Variants in DYNLL1 observed in about 807,000 individuals in gnomAD.
DYNLL1 encodes the protein dynein light chain LC8-type 1, also known as dynein light chain 1, cytoplasmic.
Under a neutral mutation model 10.1 loss-of-function variants are expected in DYNLL1, and 3 were observed. That is an observed-to-expected ratio of 0.30 (90% CI 0.14 to 0.77). The LOEUF (loss-of-function observed/expected upper bound fraction) is 0.77, where lower values mean the gene tolerates loss of function less well. DYNLL1 is among the 30% of genes least tolerant of loss of function. The pLI is 0.66. For missense variants in DYNLL1, 47 were observed against 111.7 expected (o/e 0.42, Z 2.61); for synonymous variants, 46 against 41.2 (o/e 1.12, Z -0.45).
intron 1 of DYNLL1, among the ~76,000 whole-genome samples, chr12:120,487,682 G>A (rs1476061437): frequency 6.6e-6 from 1 of 152,106 alleles, no homozygotes; most frequent in Non-Finnish European, 1.5e-5. Context: ...TGAAAGCAGG[G>A]ATATAGAGGC....
At chr12:120,480,162 T>G (rs932388742) in intron 1 of DYNLL1, among the ~76,000 whole-genome samples, 1 of 151,996 alleles carries the variant, frequency 6.6e-6, no homozygotes, top group African/African-American at 2.4e-5. Flanking sequence ...GGAGCGGAAT[T>G]CAAAATGTGA....
intron 1 of DYNLL1, among the ~76,000 whole-genome samples, chr12:120,487,272 CTTTTTTTTTTTTTTTTTTTTT>C (rs71076619): frequency 5.8e-4 from 29 of 50,378 alleles, no homozygotes; most frequent in Admixed American, 2.6e-3. Context: ...CGTGCCCGGC[CTTTTTTTTTTTTTTTTTTTTT>C]TTTTTTTTTT....
intron 1 of DYNLL1, among the ~76,000 whole-genome samples, chr12:120,474,577 A>C (rs1463692430): frequency 6.6e-6 from 1 of 152,218 alleles, no homozygotes; most frequent in Non-Finnish European, 1.5e-5. Context: ...AACCTATTGA[A>C]ATAAAAATTT....
upstream of DYNLL1, chr12:120,495,983 G>T (rs1735883193): frequency 1.6e-5 from 4 of 251,136 alleles, no homozygotes; most frequent in African/African-American, 2.3e-5. Context: ...GGGAACCATG[G>T]AGTCAATGGA....
chr12:120,471,450 T>C (rs945903326), intron 1 of DYNLL1, among the ~76,000 whole-genome samples: 54 of 152,312 alleles, frequency 3.5e-4, no homozygotes, highest in African/African-American at 1.2e-3. Context: ...AGTTGATTTC[T>C]CATTATACCA....
intron 1 of DYNLL1, among the ~76,000 whole-genome samples, chr12:120,483,888 G>A (rs1438435396): frequency 1.3e-5 from 2 of 152,078 alleles, no homozygotes; most frequent in East Asian, 3.9e-4. Flanking sequence ...GAGAGTGTGT[G>A]GTCCTGGAAG....
chr12:120,474,423 C>T (rs1051049326), intron 1 of DYNLL1, among the ~76,000 whole-genome samples: 3 of 143,168 alleles, frequency 2.1e-5, no homozygotes, highest in Non-Finnish European at 4.5e-5. Flanking sequence ...AGGGCAGTGC[C>T]CAACTGAAAA....
At chr12:120,481,055 G>A (rs944432110) in intron 1 of DYNLL1, among the ~76,000 whole-genome samples, 8 of 152,048 alleles carry the variant, frequency 5.3e-5, no homozygotes, top group Non-Finnish European at 7.4e-5. Flanking sequence ...CACCATGCCC[G>A]GCTCACATAT....
At chr12:120,480,525 T>C (rs1878857830) in intron 1 of DYNLL1, among the ~76,000 whole-genome samples, 1 of 152,194 alleles carries the variant, frequency 6.6e-6, no homozygotes, top group Non-Finnish European at 1.5e-5. Flanking sequence ...GAAGCCTGTG[T>C]CCCTTTCCTT....
At chr12:120,473,410 A>G (rs1878689529) in intron 1 of DYNLL1, among the ~76,000 whole-genome samples, 1 of 151,862 alleles carries the variant, frequency 6.6e-6, no homozygotes, top group Admixed American at 6.6e-5. Context: ...AAACTTAAAA[A>G]TTGCCAGGCC....
At chr12:120,475,781 C>G (rs568586233) in intron 1 of DYNLL1, among the ~76,000 whole-genome samples, 5 of 152,248 alleles carry the variant, frequency 3.3e-5, no homozygotes, top group Admixed American at 3.3e-4. Flanking sequence ...CTCCCCCATT[C>G]CCCCAAAAAA....
Position 120,475,428 on chromosome 12 carries a change from C to T in DYNLL1, c.-7+5324C>T, listed in dbSNP as rs114607075. ...GTGAACTCCTGCCTCCCTGCCCCCT[C>T]AACCTCCACCTCCTGACCCTGATCC... On this transcript the variant is annotated intron_variant, in intron 1 of 2. Coordinates refer to the DYNLL1 transcript ENST00000392509. 9.6e-3 allele frequency among the ~76,000 whole-genome samples: 1,464 copies of T among 152,276 alleles called. 24 individuals are homozygous for T. The highest frequency in any genetic ancestry group is 0.034 in the African/African-American group (1,401 of 41,546).
intron 1 of DYNLL1, among the ~76,000 whole-genome samples, chr12:120,474,462 A>C (rs1878714267): frequency 6.6e-6 from 1 of 152,064 alleles, no homozygotes; most frequent in South Asian, 2.1e-4. Flanking sequence ...AAAAAATCCC[A>C]AAACCAACAA....
At chr12:120,482,135 G>A (rs73223296) in intron 1 of DYNLL1, among the ~76,000 whole-genome samples, 4,816 of 152,276 alleles carry the variant, frequency 0.032, 119 homozygotes, top group Non-Finnish European at 0.048. Context: ...AATTTACAGA[G>A]AAGCCAGGGC....
rs71076619 is a variant in DYNLL1 at position 120,487,272 on chromosome 12, C to CTTTTTTTTTT, written c.-6-9115_-6-9106dup. On this transcript the variant is annotated intron_variant, in intron 1 of 2. Coordinates refer to the DYNLL1 transcript ENST00000392509. The stretch of plus-strand genomic sequence containing the variant: ...ACAGGCGTAAGCCACCGTGCCCGGC[C>CTTTTTTTTTT]TTTTTTTTTTTTTTTTTTTTTTTTT... Among the ~76,000 whole-genome samples the CTTTTTTTTTT allele has an allele frequency of 6.0e-5, 3 of 50,416 alleles. 1 individual carries two copies. The highest frequency in any genetic ancestry group is 2.6e-4 in the African/African-American group (3 of 11,360). The allele number at this position is 50,416 out of a possible 152,430, so 33.1% of individuals were successfully genotyped here.
intron 1 of DYNLL1, among the ~76,000 whole-genome samples, chr12:120,489,289 A>C (rs1313692615): frequency 6.6e-6 from 1 of 152,166 alleles, no homozygotes; most frequent in African/African-American, 2.4e-5. Flanking sequence ...TGACATCTCC[A>C]CTTGGAATAT....
chr12:120,480,483 C>T (rs1176057782), intron 1 of DYNLL1, among the ~76,000 whole-genome samples: 4 of 152,188 alleles, frequency 2.6e-5, no homozygotes, highest in Non-Finnish European at 5.9e-5. Flanking sequence ...ACTCCTGCTA[C>T]TCCTGGCAGC....
At chr12:120,486,468 T>G (rs1383899457) in intron 1 of DYNLL1, among the ~76,000 whole-genome samples, 1 of 151,894 alleles carries the variant, frequency 6.6e-6, no homozygotes, top group East Asian at 1.9e-4. Flanking sequence ...TGCAAACAGA[T>G]GTTTCTGTTT....
intron 1 of DYNLL1, among the ~76,000 whole-genome samples, chr12:120,479,566 A>G (rs748432885): frequency 2.0e-5 from 3 of 152,108 alleles, no homozygotes; most frequent in African/African-American, 4.8e-5. Context: ...GCAGCTCTTA[A>G]CCCAGGCTGG....
Sources: gnomAD v4.1 joint callset for allele counts (sites outside exome capture counted in the v4.1 genomes callset) on GRCh38, gnomAD v4.1.1 for gene constraint, MANE v1.5 for transcripts, NCBI Gene and HGNC (gene_info 2026-07-23, HGNC 2026-07-21) for gene names.